The following LMBRD1 variants were observed in gnomAD, a reference collection of about 807,000 sequenced individuals.
The protein encoded by LMBRD1 is lysosomal cobalamin transport escort protein LMBD1.
A neutral mutation model predicts 74.8 loss-of-function variants in LMBRD1; 64 were observed. The ratio of observed to expected loss-of-function variants is 0.86; its 90% confidence interval spans 0.70 to 1.05. The LOEUF is 1.05. Ranked by LOEUF, LMBRD1 falls within the 50% of genes least tolerant of loss-of-function variation. LMBRD1 has a pLI of 0.00. For missense variants in LMBRD1, 652 were observed against 645.9 expected (o/e 1.01, Z -0.10); for synonymous variants, 204 against 216.3 (o/e 0.94, Z 0.50).
At chr6:69,754,191 T>C (rs1397010959) in intron 3 of LMBRD1, among the ~76,000 whole-genome samples, 2 of 152,064 alleles carry the variant, frequency 1.3e-5, no homozygotes, top group African/African-American at 2.4e-5. Flanking sequence ...TTTTATAAGA[T>C]GGAAAGTGTT....
intron 14 of LMBRD1, among the ~76,000 whole-genome samples, chr6:69,697,175 A>G (rs925385366): frequency 2.6e-5 from 4 of 152,002 alleles, no homozygotes; most frequent in Non-Finnish European, 4.4e-5. Context: ...TTATTATTAA[A>G]TTAAATAACC....
At chr6:69,760,425 G>GT (rs1765351174) in intron 3 of LMBRD1, among the ~76,000 whole-genome samples, 1 of 152,198 alleles carries the variant, frequency 6.6e-6, no homozygotes, top group Non-Finnish European at 1.5e-5. Flanking sequence ...TAAATTTAGA[G>GT]TATTTCTAAG....
chr6:69,792,364 C>T (rs1450798927), intron 1 of LMBRD1, among the ~76,000 whole-genome samples: 1 of 152,220 alleles, frequency 6.6e-6, no homozygotes, highest in East Asian at 1.9e-4. Context: ...CTGTTTTCTG[C>T]CCCTATAGTT....
chr6:69,787,367 T>A (rs1055087007), intron 2 of LMBRD1, among the ~76,000 whole-genome samples: 4 of 152,134 alleles, frequency 2.6e-5, no homozygotes, highest in African/African-American at 9.7e-5. Context: ...ACAGAATGTT[T>A]CAAGGTATCA....
At chr6:69,750,155 C>A (rs1367601812) in intron 4 of LMBRD1, among the ~76,000 whole-genome samples, 2 of 149,056 alleles carry the variant, frequency 1.3e-5, no homozygotes, top group Non-Finnish European at 3.0e-5. Context: ...TATATACTTA[C>A]ATACATTAAT....
rs1219148543 is a variant in LMBRD1, at chr6:69,775,027, G to A, written c.307+5467C>T. 1.6e-4 allele frequency among the ~76,000 whole-genome samples: 19 copies of A among 119,230 alleles called. 3 individuals are homozygous for A. The highest frequency in any genetic ancestry group is 3.3e-4 in the African/African-American group (11 of 33,408). The allele number at this position is 119,230 out of a possible 152,430, so 78.2% of individuals were successfully genotyped here. On this transcript the variant is annotated intron_variant, in intron 3 of 15. Coordinates refer to ENST00000649934, the MANE Select transcript of LMBRD1 (RefSeq NM_018368.4). ...GGAGGGAGGGAGGGAGGGAGGGAGG[G>A]AGGGAGGGAAGGAAGGAAAAGATGA...
chr6:69,748,747 A>T (rs1239508088), intron 5 of LMBRD1, among the ~76,000 whole-genome samples: 1 of 152,104 alleles, frequency 6.6e-6, no homozygotes, highest in Admixed American at 6.5e-5. Flanking sequence ...GATAAATTTT[A>T]GAAGTACAAA....
intron 5 of LMBRD1, among the ~76,000 whole-genome samples, 171 bp downstream of exon 5, chr6:69,749,170 T>C (rs181414286): frequency 1.3e-5 from 2 of 151,996 alleles, no homozygotes; most frequent in African/African-American, 2.4e-5. Context: ...TGAAACAACA[T>C]AGACAAAACT....
intron 3 of LMBRD1, among the ~76,000 whole-genome samples, chr6:69,776,096 A>C (rs759461826): frequency 6.6e-6 from 1 of 152,266 alleles, no homozygotes; most frequent in Non-Finnish European, 1.5e-5. Flanking sequence ...GTCAACATTC[A>C]GAAGACCTAT....
At chr6:69,707,987 T>TA (rs1165613705) in intron 9 of LMBRD1, among the ~76,000 whole-genome samples, 3 of 152,160 alleles carry the variant, frequency 2.0e-5, no homozygotes, top group East Asian at 3.9e-4. Flanking sequence ...TTTACCACAA[T>TA]AAAAAAATCT....
intron 9 of LMBRD1, among the ~76,000 whole-genome samples, chr6:69,703,145 A>G (rs1766170565): frequency 6.6e-6 from 1 of 152,002 alleles, no homozygotes. Flanking sequence ...TCATTATTTA[A>G]AAAGGGTTTC....
intron 3 of LMBRD1, among the ~76,000 whole-genome samples, chr6:69,757,685 T>C (rs1021832472): frequency 1.3e-5 from 2 of 152,186 alleles, no homozygotes; most frequent in Non-Finnish European, 2.9e-5. Context: ...TCCACTATCA[T>C]GAAACAGGAA....
At chr6:69,750,470 A>T (rs1765108360) in intron 4 of LMBRD1, among the ~76,000 whole-genome samples, 1 of 152,100 alleles carries the variant, frequency 6.6e-6, no homozygotes, top group Non-Finnish European at 1.5e-5. Context: ...TACGAATAAA[A>T]AAGTTAATAA....
Position 69,796,853 on chromosome 6 carries a change from T to C in LMBRD1, c.29A>G (p.Glu10Gly). The C allele has an allele frequency of 6.2e-7, 1 of 1,611,080 alleles. No individual in the cohort carries two copies. Among genetic ancestry groups the C allele is most frequent in the Non-Finnish European group, 8.5e-7 (1 of 1,178,950 alleles). The change falls in exon 1 of 16, where the codon GAG becomes GGG. Residue 10 changes from glutamate to glycine, a missense_variant. Coordinates refer to ENST00000649934, the MANE Select transcript of LMBRD1 (RefSeq NM_018368.4). ...GAATATGCACCAGCCGATCACCAGC[T>C]CCGCCGAGGCCGCGCCAGAAGTCGC... The part of the protein sequence containing the change: MATSGAASA[E>G]LVIGWCIFGL...
chr6:69,726,236 G>A (rs1431175851), intron 7 of LMBRD1, among the ~76,000 whole-genome samples: 1 of 152,190 alleles, frequency 6.6e-6, no homozygotes, highest in Non-Finnish European at 1.5e-5. Flanking sequence ...ACAAATGCTG[G>A]TGAAGATGTG....
chr6:69,777,589 A>G (rs913426214), intron 3 of LMBRD1, among the ~76,000 whole-genome samples: 2 of 152,176 alleles, frequency 1.3e-5, no homozygotes, highest in Admixed American at 1.3e-4. Flanking sequence ...AGCTGAGGAA[A>G]TAAGAACTAC....
At chr6:69,686,837 T>C (rs1303622324) in intron 14 of LMBRD1, among the ~76,000 whole-genome samples, 2 of 152,228 alleles carry the variant, frequency 1.3e-5, no homozygotes, top group Non-Finnish European at 2.9e-5. Context: ...GCCTATCATT[T>C]GTAAGTTTTA....
intron 3 of LMBRD1, among the ~76,000 whole-genome samples, chr6:69,760,644 G>A (rs949849604): frequency 1.3e-5 from 2 of 152,162 alleles, no homozygotes; most frequent in African/African-American, 2.4e-5. Flanking sequence ...TTCACGACCT[G>A]TGTAATCTCA....
At chr6:69,714,154 G>T (rs1766443261) in intron 8 of LMBRD1, among the ~76,000 whole-genome samples, 1 of 151,950 alleles carries the variant, frequency 6.6e-6, no homozygotes, top group African/African-American at 2.4e-5. Flanking sequence ...CAAACTCACT[G>T]TATCACTTAT....
Sources: gnomAD v4.1 joint callset for allele counts (sites outside exome capture counted in the v4.1 genomes callset) on GRCh38, gnomAD v4.1.1 for gene constraint, MANE v1.5 for transcripts, NCBI Gene and HGNC (gene_info 2026-07-23, HGNC 2026-07-21) for gene names.